The following PRMT8 variants were observed in gnomAD, a reference collection of about 807,000 sequenced individuals.
PRMT8 encodes protein arginine N-methyltransferase 8.
PRMT8 carries 7 observed loss-of-function variants against 47.1 expected under a neutral mutation model. The observed-to-expected ratio is 0.15, with a 90% CI of 0.08 to 0.28. PRMT8 has a LOEUF of 0.28. Among genes scored for constraint, PRMT8 ranks in the 10% least tolerant of loss-of-function variants. The pLI is 1.00. For missense variants in PRMT8, 237 were observed against 505.4 expected, an observed-to-expected ratio of 0.47 and a Z score of 5.09; for synonymous variants, 188 against 186.5, an observed-to-expected ratio of 1.01 and a Z score of -0.07.
chr12:3,480,816 G>C (rs771982721), intron 1 of PRMT8, among the ~76,000 whole-genome samples: 1 of 152,184 alleles, frequency 6.6e-6, no homozygotes, highest in Non-Finnish European at 1.5e-5. Context: ...ACTGGTGCTT[G>C]ACCTCCCACC....
rs564805700 is a variant in PRMT8, at chr12:3,576,805, T to C, written c.713-66T>C. On this transcript the variant is annotated intron_variant, in intron 6 of 9. Transcript: ENST00000382622. The surrounding 1 kb of genome is among the most constrained non-coding windows in gnomAD (Gnocchi z 4.0). ...CCTCAGGCACGCTGTGCTCTAGGAC[T>C]CAGGAGGGTTGGGTGAGCTTCTGGG... The C allele has an allele frequency of 3.9e-6, 5 of 1,282,176 alleles. 1 individual carries two copies. In the South Asian group the frequency reaches 6.2e-5, roughly 16 times the overall value. 79.4% of individuals were successfully genotyped at this position (1,282,176 alleles called of 1,614,324 possible).
chr12:3,544,203 G>A lies in PRMT8; in HGVS notation c.261+3412G>A, dbSNP rs12424983. ...AGGGTGGCATGTTCCTTCCTGAAAT[G>A]TCTTGGGAGTTCTTTGGGCTCTTCT... On this transcript the variant is annotated intron_variant, in intron 2 of 9. Transcript: ENST00000382622. Among the ~76,000 whole-genome samples the A allele has an allele frequency of 7.4e-4, 112 of 152,312 alleles. 1 individual carries two copies. Among genetic ancestry groups the A allele is most frequent in the Admixed American group, 7.1e-3 (109 of 15,300 alleles).
intron 1 of PRMT8, among the ~76,000 whole-genome samples, chr12:3,458,851 G>A (rs1277825529): frequency 6.6e-6 from 1 of 152,198 alleles, no homozygotes; most frequent in Admixed American, 6.5e-5. Context: ...CTTCCTGTCT[G>A]TTCACCTGGG....
Position 3,473,854 on chromosome 12 carries a change from A to C in PRMT8, c.49-66752A>C, listed in dbSNP as rs114133559. Among the ~76,000 whole-genome samples, 1,512 of 152,192 alleles carry C rather than the reference A, an allele frequency of 9.9e-3. 30 individuals are homozygous for C. Among genetic ancestry groups the C allele is most frequent in the African/African-American group, 0.034 (1,406 of 41,496 alleles). On this transcript the variant is annotated intron_variant, in intron 1 of 9. Coordinates refer to the PRMT8 transcript ENST00000452611. ...CCTGCTTCTCCCTCTCATCCTGGGC[A>C]GTTCCTTCTCCTTCAGGCCGACACC... is the stretch of plus-strand genomic sequence containing the variant.
intron 1 of PRMT8, among the ~76,000 whole-genome samples, chr12:3,511,353 G>A (rs1343122639): frequency 6.6e-6 from 1 of 152,214 alleles, no homozygotes; most frequent in African/African-American, 2.4e-5. Flanking sequence ...GGAGCAGCAG[G>A]AAGACTTGGA....
rs1277677094 is a variant in PRMT8, at chr12:3,572,990, T to A, written c.712+3426T>A. Among the ~76,000 whole-genome samples the A allele has an allele frequency of 2.6e-5, 4 of 152,232 alleles. No individual in the cohort carries two copies. Among genetic ancestry groups the A allele is most frequent in the Non-Finnish European group, 5.9e-5 (4 of 68,044 alleles). On this transcript the variant is annotated intron_variant, in intron 6 of 9. Transcript: ENST00000382622. This position sits in a 1 kb window ranked among gnomAD's most constrained non-coding sequence, Gnocchi z 5.9. ...TGTTTTTCTTTTTATTTATCCTGCT[T>A]GGGGTTACATGGAATTCTTGGAACT...
intron 2 of PRMT8, 59 bp from the exon 3 acceptor site, chr12:3,549,877 G>C: frequency 6.3e-7 from 1 of 1,587,330 alleles, no homozygotes; most frequent in Admixed American, 1.7e-5. Context: ...TCATAGCCAT[G>C]GTGTACACCC....
At chr12:3,457,517 T>C (rs1326523109) in intron 1 of PRMT8, among the ~76,000 whole-genome samples, 1 of 151,988 alleles carries the variant, frequency 6.6e-6, no homozygotes, top group East Asian at 1.9e-4. Context: ...CTCTGTTTCC[T>C]AGGCTGGTCT....
chr12:3,387,707 T>C (rs1864155236), intron 1 of PRMT8, among the ~76,000 whole-genome samples: 1 of 152,242 alleles, frequency 6.6e-6, no homozygotes, highest in South Asian at 2.1e-4. Flanking sequence ...CATTAAAACC[T>C]GCAAACAGCT....
chr12:3,393,003 A>G (rs1232324811), intron 1 of PRMT8, among the ~76,000 whole-genome samples: 1 of 152,138 alleles, frequency 6.6e-6, no homozygotes, highest in Non-Finnish European at 1.5e-5. Flanking sequence ...GGCTGCATAA[A>G]TGTCTTCTTT....
intron 1 of PRMT8, among the ~76,000 whole-genome samples, chr12:3,510,648 C>T (rs1865697580): frequency 6.6e-6 from 1 of 152,214 alleles, no homozygotes; most frequent in African/African-American, 2.4e-5. Context: ...GCCAGTACTG[C>T]AGGGCCTGGG....
At chr12:3,565,837 G>C (rs113822551) in intron 4 of PRMT8, among the ~76,000 whole-genome samples, 61 of 152,308 alleles carry the variant, frequency 4.0e-4, no homozygotes, top group African/African-American at 1.4e-3. Context: ...ATACATACCT[G>C]TTTGTTAGAC....
intron 1 of PRMT8, among the ~76,000 whole-genome samples, chr12:3,485,671 A>C (rs1195781996): frequency 6.6e-6 from 1 of 152,208 alleles, no homozygotes; most frequent in Non-Finnish European, 1.5e-5. Flanking sequence ...TTTAATGAAG[A>C]AAGCAAGTTT....
intron 1 of PRMT8, among the ~76,000 whole-genome samples, chr12:3,497,058 TG>T (rs974490452): frequency 5.3e-5 from 8 of 152,200 alleles, no homozygotes; most frequent in African/African-American, 1.7e-4. Context: ...AACTGCAATG[TG>T]AAGTGATTAT....
At chr12:3,515,809 T>C (rs1269711051) in intron 1 of PRMT8, among the ~76,000 whole-genome samples, 2 of 152,202 alleles carry the variant, frequency 1.3e-5, no homozygotes, top group Admixed American at 6.5e-5. Context: ...ACCCATGCAT[T>C]GTCGTTAGTG....
chr12:3,505,481 T>C lies in PRMT8; in HGVS notation c.75+13781T>C, dbSNP rs959520073. Among the ~76,000 whole-genome samples the C allele has an allele frequency of 2.0e-5, 3 of 152,242 alleles. No homozygotes were observed. In the East Asian group the frequency reaches 5.8e-4, roughly 29 times the overall value. The stretch of plus-strand genomic sequence containing the variant: ...CTTCCCAGGGTCTTTATCATGGCTT[T>C]TTCCTTGTGCAGTAGCAATCACTAT... On this transcript the variant is annotated intron_variant, in intron 1 of 9. Coordinates refer to ENST00000382622, the MANE Select transcript of PRMT8 (RefSeq NM_019854.5).
At chr12:3,431,391 C>G (rs1480068117) in intron 1 of PRMT8, among the ~76,000 whole-genome samples, 7 of 152,076 alleles carry the variant, frequency 4.6e-5, no homozygotes, top group Non-Finnish European at 8.8e-5. Flanking sequence ...GAAGGCAGAA[C>G]AAAGATGCAG....
intron 4 of PRMT8, among the ~76,000 whole-genome samples, chr12:3,559,740 G>T (rs1866598781): frequency 6.6e-6 from 1 of 152,152 alleles, no homozygotes; most frequent in Non-Finnish European, 1.5e-5. Flanking sequence ...ACCCCATGCT[G>T]GGATCTGACA....
intron 7 of PRMT8, 142 bp downstream of exon 7, chr12:3,577,128 G>C: frequency 1.5e-6 from 1 of 682,974 alleles, no homozygotes; most frequent in South Asian, 1.8e-5. Context: ...TGCTCCCTAA[G>C]CTCAAGTCAA....
Sources: allele counts gnomAD v4.1 joint callset (sites outside exome capture counted in the v4.1 genomes callset), GRCh38; gene constraint gnomAD v4.1.1; non-coding constraint Gnocchi (gnomAD v3.1); transcripts MANE v1.5; gene names NCBI Gene and HGNC (gene_info 2026-07-23, HGNC 2026-07-21).